ANKS1B: variants seen among roughly 807,000 people sequenced by gnomAD.
The protein encoded by ANKS1B is ankyrin repeat and sterile alpha motif domain-containing protein 1B.
Under a neutral mutation model 148.3 loss-of-function variants are expected in ANKS1B, and 36 were observed. The observed-to-expected ratio is 0.24, with a 90% CI of 0.19 to 0.32. The LOEUF is 0.32. ANKS1B is among the 10% of genes least tolerant of loss of function. The probability of loss-of-function intolerance (pLI) is 1.00; values close to 1 mark genes in which losing one functional copy is unlikely to be tolerated. For missense variants in ANKS1B, 1,157 were observed against 1,542.6 expected (o/e 0.75, Z 4.19); for synonymous variants, 542 against 560.8 (o/e 0.97, Z 0.47).
rs139400994 is a variant in ANKS1B, at chr12:99,073,678, C to T, written c.2625+11247G>A. Among the ~76,000 whole-genome samples the T allele has an allele frequency of 2.6e-5, 4 of 152,238 alleles. No individual in the cohort carries two copies. The East Asian group carries it at 7.7e-4, about 29-fold the overall frequency. On this transcript the variant is annotated intron_variant, in intron 16 of 26. Coordinates refer to ENST00000683438, the MANE Select transcript of ANKS1B (RefSeq NM_001352186.2). ...GCCTTGAGAAGGGAGTTCAGTGGTC[C>T]ATGGAGGCTGCAAAAACTGCCTTTT...
At chr12:98,943,584 G>A (rs544739276) in intron 17 of ANKS1B, among the ~76,000 whole-genome samples, 2 of 152,202 alleles carry the variant, frequency 1.3e-5, no homozygotes, top group South Asian at 4.2e-4. Flanking sequence ...CCATCTTCAA[G>A]ACCATCAGGC....
Position 98,919,217 on chromosome 12 carries a change from G to T in ANKS1B, c.2779-87081C>A, listed in dbSNP as rs1402150885. 2.6e-5 allele frequency among the ~76,000 whole-genome samples: 4 copies of T among 151,962 alleles called. No individual in the cohort carries two copies. In the East Asian group the frequency reaches 7.7e-4, roughly 29 times the overall value. ...TTTCTGTTCACTTACAATTTATTTT[G>T]GTGTATTTGAACCTTTATGAAGGAA... On this transcript the variant is annotated intron_variant, in intron 17 of 26. Transcript: ENST00000683438.
At chr12:98,837,028 C>T (rs2099368001) in intron 17 of ANKS1B, among the ~76,000 whole-genome samples, 1 of 151,978 alleles carries the variant, frequency 6.6e-6, no homozygotes, top group African/African-American at 2.4e-5. Context: ...TGCTGAGTTC[C>T]AATAGATAAG....
At chr12:99,832,342 C>T (rs1217501270) in intron 1 of ANKS1B, among the ~76,000 whole-genome samples, 1 of 152,096 alleles carries the variant, frequency 6.6e-6, no homozygotes, top group East Asian at 1.9e-4. Context: ...TATCTCAGCA[C>T]TTTGGGTGGC....
intron 15 of ANKS1B, among the ~76,000 whole-genome samples, chr12:99,139,038 GT>G (rs2069159134): frequency 7.6e-6 from 1 of 131,708 alleles, no homozygotes; most frequent in Admixed American, 7.8e-5. Context: ...GTTTCACTCA[GT>G]TTCCCAGGCT....
chr12:99,369,791 T>C (rs35631006), intron 12 of ANKS1B, among the ~76,000 whole-genome samples: 7,306 of 148,764 alleles, frequency 0.049, 211 homozygotes, highest in African/African-American at 0.073. Flanking sequence ...GATAGATAGA[T>C]GGACGGACGG....
intron 25 of ANKS1B, among the ~76,000 whole-genome samples, chr12:98,759,392 T>C (rs190102045): frequency 1.5e-4 from 23 of 152,232 alleles, no homozygotes; most frequent in African/African-American, 5.3e-4. Context: ...AAAGTGTCCA[T>C]CAAGACTCTC....
intron 9 of ANKS1B, among the ~76,000 whole-genome samples, chr12:99,510,804 GA>G (rs1373451226): frequency 1.3e-5 from 2 of 151,926 alleles, no homozygotes; most frequent in African/African-American, 4.8e-5. Flanking sequence ...AATCTTTCAT[GA>G]AAGGAAGACT....
rs1193585124 is a variant in ANKS1B, at chr12:98,991,355, A to G, written c.2778+61802T>C. ...CACAGAAGGGGACTTTTATCTTGTTAGGTTTTATTTCAGATATATAATGGC... is the reference window on the plus strand; with the variant it reads ...CACAGAAGGGGACTTTTATCTTGTTGGGTTTTATTTCAGATATATAATGGC... On this transcript the variant is annotated intron_variant, in intron 17 of 26. Transcript: ENST00000683438. 3.9e-5 allele frequency among the ~76,000 whole-genome samples: 6 copies of G among 152,180 alleles called. No individual in the cohort carries two copies. In the South Asian group the frequency reaches 1.2e-3, roughly 31 times the overall value.
chr12:98,789,432 T>TA (rs1555319605), intron 22 of ANKS1B, among the ~76,000 whole-genome samples: 6,214 of 151,940 alleles, frequency 0.041, 186 homozygotes, highest in East Asian at 0.13. Context: ...TTTTTTTTTT[T>TA]ATTAAAGTTC....
At chr12:98,894,775 G>C (rs1040685953) in intron 17 of ANKS1B, 1 of 985,144 alleles carries the variant, frequency 1.0e-6, no homozygotes, top group Non-Finnish European at 1.2e-6. Context: ...GAATGCGAGC[G>C]GCGAGGCGAG....
rs59294440 is a variant in ANKS1B at position 98,850,459 on chromosome 12, A to ATTTTTTTTTTT, written c.2779-18334_2779-18324dup. 1.7e-4 allele frequency among the ~76,000 whole-genome samples: 12 copies of ATTTTTTTTTTT among 70,512 alleles called. 2 individuals carry two copies. The highest frequency in any genetic ancestry group is 5.2e-4 in the East Asian group (1 of 1,934). The allele number at this position is 70,512 out of a possible 152,430, so 46.3% of individuals were successfully genotyped here. ...TTGATGGAGACCAGAGAAGCATTGC[A>ATTTTTTTTTTT]TTTTTTTTTTTTTTTTTTTTTTTTT... On this transcript the variant is annotated intron_variant, in intron 17 of 26. Coordinates refer to ENST00000683438, the MANE Select transcript of ANKS1B (RefSeq NM_001352186.2).
chr12:99,295,759 C>A (rs896565372), intron 12 of ANKS1B, among the ~76,000 whole-genome samples: 3 of 152,122 alleles, frequency 2.0e-5, no homozygotes, highest in Non-Finnish European at 2.9e-5. Context: ...TTCCTCCTCC[C>A]ACCCTCCACC....
intron 9 of ANKS1B, among the ~76,000 whole-genome samples, chr12:99,552,309 G>C (rs545363552): frequency 2.0e-5 from 3 of 152,266 alleles, no homozygotes; most frequent in African/African-American, 7.2e-5. Flanking sequence ...TGTCTATCAT[G>C]GTGTCTGGCA....
At chr12:99,163,467 C>CTGTGTGTGTGTGTGTG (rs146637164) in intron 14 of ANKS1B, among the ~76,000 whole-genome samples, 14 of 135,108 alleles carry the variant, frequency 1.0e-4, no homozygotes, top group African/African-American at 3.9e-4. Flanking sequence ...TACATGCACT[C>CTGTGTGTGTGTGTGTG]TGTGTGTGTG....
At chr12:99,763,398 C>A (rs2062341882) in intron 8 of ANKS1B, among the ~76,000 whole-genome samples, 1 of 152,108 alleles carries the variant, frequency 6.6e-6, no homozygotes, top group Admixed American at 6.6e-5. Flanking sequence ...GAACAGATAA[C>A]CAAATACCAC....
rs185775077 is a variant in ANKS1B, at chr12:99,196,587, T to G, written c.2420-42192A>C. ...GGTGAGTTGCTCTGGATGCTTTCTG[T>G]TTTTTTTTGTTTGTTTTTGTTTTTT... On this transcript the variant is annotated intron_variant, in intron 14 of 26. Coordinates refer to ENST00000683438, the MANE Select transcript of ANKS1B (RefSeq NM_001352186.2). 2.1e-3 allele frequency among the ~76,000 whole-genome samples: 240 copies of G among 115,744 alleles called. 2 individuals are homozygous for G. The highest frequency in any genetic ancestry group is 4.9e-3 in the African/African-American group (180 of 36,592). 75.9% of individuals were successfully genotyped at this position (115,744 alleles called of 152,430 possible). A position where few individuals can be genotyped will look rare whatever the true frequency, so the allele number is the denominator to read the frequency against.
At chr12:98,909,737 A>G (rs1329290578) in intron 17 of ANKS1B, among the ~76,000 whole-genome samples, 1 of 152,226 alleles carries the variant, frequency 6.6e-6, no homozygotes, top group Non-Finnish European at 1.5e-5. Context: ...GATGACACCA[A>G]AAAGGGAAAG....
intron 17 of ANKS1B, among the ~76,000 whole-genome samples, chr12:99,033,869 C>A (rs2099953871): frequency 6.6e-6 from 1 of 152,160 alleles, no homozygotes; most frequent in Admixed American, 6.5e-5. Context: ...CCAATATATG[C>A]TTGTAAAAAC....
Sources: allele counts gnomAD v4.1 joint callset (sites outside exome capture counted in the v4.1 genomes callset), GRCh38; gene constraint gnomAD v4.1.1; transcripts MANE v1.5; gene names NCBI Gene and HGNC (gene_info 2026-07-23, HGNC 2026-07-21).